The following FBXL17 variants were observed in gnomAD, a reference collection of about 807,000 sequenced individuals.
The protein encoded by FBXL17 is F-box and leucine rich repeat protein 17.
A neutral mutation model predicts 66.2 loss-of-function variants in FBXL17; 22 were observed. The observed-to-expected ratio is 0.33, with a 90% confidence interval of 0.24 to 0.47. FBXL17 has a LOEUF of 0.47. Ranked by LOEUF, FBXL17 falls within the 20% of genes least tolerant of loss-of-function variation. The probability of loss-of-function intolerance (pLI) is 1.00; values close to 1 mark genes in which losing one functional copy is unlikely to be tolerated. For missense variants in FBXL17, 878 were observed against 948.2 expected (o/e 0.93, Z 0.97); for synonymous variants, 474 against 400.5 (o/e 1.18, Z -2.19).
At chr5:108,075,317 T>C (rs1689264851) in intron 6 of FBXL17, among the ~76,000 whole-genome samples, 4 of 152,336 alleles carry the variant, frequency 2.6e-5, no homozygotes, top group Admixed American at 2.6e-4. Context: ...TTCCTCTAAC[T>C]AACACAAAAT....
chr5:107,861,895 G>A (rs201164208), intron 8 of FBXL17, 35 bp from the exon 9 acceptor site: 7 of 1,459,830 alleles, frequency 4.8e-6, no homozygotes, highest in Non-Finnish European at 6.4e-6. Context: ...CACGCACAGA[G>A]ACCACCAACA....
At chr5:108,020,666 T>G in intron 7 of FBXL17, 1 of 270,344 alleles carries the variant, frequency 3.7e-6, no homozygotes, top group Non-Finnish European at 7.0e-6. Context: ...CTTTTTAATT[T>G]TGTGTGAGTG....
chr5:107,947,192 C>A (rs12657877), intron 7 of FBXL17, among the ~76,000 whole-genome samples: 1 of 152,014 alleles, frequency 6.6e-6, no homozygotes, highest in African/African-American at 2.4e-5. Flanking sequence ...TGGCCTTTAC[C>A]GCGGCATTGC....
intron 4 of FBXL17, among the ~76,000 whole-genome samples, chr5:108,282,832 A>G (rs965854137): frequency 2.0e-5 from 3 of 151,738 alleles, no homozygotes; most frequent in African/African-American, 7.2e-5. Context: ...ATCAACATAC[A>G]AAAACCAGTA....
At chr5:108,244,459 C>T (rs754333684) in intron 4 of FBXL17, among the ~76,000 whole-genome samples, 3 of 152,082 alleles carry the variant, frequency 2.0e-5, no homozygotes, top group Non-Finnish European at 4.4e-5. Flanking sequence ...AGATACCAAC[C>T]TAAGGGGGTT....
intron 3 of FBXL17, among the ~76,000 whole-genome samples, chr5:108,355,497 G>A (rs2112517855): frequency 6.6e-6 from 1 of 152,018 alleles, no homozygotes; most frequent in Non-Finnish European, 1.5e-5. Flanking sequence ...TGGCCAGGCT[G>A]GTCTCGAACT....
chr5:107,987,393 G>A (rs1262055774), intron 7 of FBXL17, among the ~76,000 whole-genome samples: 2 of 151,730 alleles, frequency 1.3e-5, no homozygotes, highest in Non-Finnish European at 2.9e-5. Context: ...TGGTGCTAAA[G>A]CCGATCTTGA....
intron 7 of FBXL17, among the ~76,000 whole-genome samples, chr5:107,973,058 T>A (rs1752432336): frequency 6.6e-6 from 1 of 152,140 alleles, no homozygotes; most frequent in African/African-American, 2.4e-5. Flanking sequence ...TGGACAATGT[T>A]CAAAGGTGCC....
chr5:108,043,497 T>C (rs529944832), intron 6 of FBXL17, among the ~76,000 whole-genome samples: 1 of 152,302 alleles, frequency 6.6e-6, no homozygotes, highest in Non-Finnish European at 1.5e-5. Context: ...CTTTTCTTCA[T>C]TGAATTGCAT....
chr5:108,090,170 A>G (rs2149928986), intron 6 of FBXL17, among the ~76,000 whole-genome samples: 1 of 152,322 alleles, frequency 6.6e-6, no homozygotes, highest in Non-Finnish European at 1.5e-5. Context: ...ACATAAAGAA[A>G]TAATTAGTAA....
chr5:108,231,328 A>G lies in FBXL17; in HGVS notation c.1507-7100T>C, dbSNP rs75146401. Among the ~76,000 whole-genome samples the G allele has an allele frequency of 5.2e-3, 789 of 152,294 alleles. 9 individuals are homozygous for G. The highest frequency in any genetic ancestry group is 0.018 in the African/African-American group (747 of 41,556). On this transcript the variant is annotated intron_variant, in intron 4 of 8. Transcript: ENST00000542267. The stretch of plus-strand genomic sequence containing the variant: ...TATATTCTATGCTCATATACAGTTA[A>G]TCACAGCTCTCACCCACAGGCAACT...
At chr5:108,343,994 A>G (rs1432996061) in intron 4 of FBXL17, among the ~76,000 whole-genome samples, 1 of 152,210 alleles carries the variant, frequency 6.6e-6, no homozygotes, top group African/African-American at 2.4e-5. Flanking sequence ...CTGATCCTCA[A>G]TAGAACATGT....
intron 7 of FBXL17, among the ~76,000 whole-genome samples, chr5:108,015,918 A>G (rs993900313): frequency 6.7e-6 from 1 of 149,132 alleles, no homozygotes; most frequent in Non-Finnish European, 1.5e-5. Flanking sequence ...GGAAAACAAG[A>G]TGCATTTTTT....
In FBXL17 at chr5:108,348,738, A is replaced by G. The variant is rs7710381; in HGVS notation, c.1375-208T>C. 2.4e-3 allele frequency among the ~76,000 whole-genome samples: 362 copies of G among 152,304 alleles called. 1 individual carries two copies. Among genetic ancestry groups the G allele is most frequent in the African/African-American group, 8.5e-3 (352 of 41,552 alleles). ...CTTCTAATTTACCCCCGTTTCAACC[A>G]ACTCACATTACAAGCCCTCCAAGGT... On this transcript the variant is annotated intron_variant, in intron 3 of 8. Coordinates refer to ENST00000542267, the MANE Select transcript of FBXL17 (RefSeq NM_001163315.3).
At chr5:108,201,061 A>C (rs141244613) in intron 5 of FBXL17, among the ~76,000 whole-genome samples, 46 of 152,334 alleles carry the variant, frequency 3.0e-4, no homozygotes, top group African/African-American at 1.1e-3. Flanking sequence ...TGTCTCATAA[A>C]TAACTAACTT....
intron 4 of FBXL17, among the ~76,000 whole-genome samples, chr5:108,249,577 A>G (rs1227418322): frequency 6.6e-6 from 1 of 152,158 alleles, no homozygotes; most frequent in Non-Finnish European, 1.5e-5. Context: ...GCAACCTTTG[A>G]AAGGCCATAC....
At chr5:108,239,639 C>G (rs1755765676) in intron 4 of FBXL17, among the ~76,000 whole-genome samples, 1 of 152,152 alleles carries the variant, frequency 6.6e-6, no homozygotes, top group Non-Finnish European at 1.5e-5. Flanking sequence ...GCCACAAAGA[C>G]TGCAATTCCT....
At chr5:108,200,064 T>C (rs1753827734) in intron 5 of FBXL17, among the ~76,000 whole-genome samples, 1 of 152,056 alleles carries the variant, frequency 6.6e-6, no homozygotes, top group Admixed American at 6.6e-5. Flanking sequence ...AGAGTCAGTG[T>C]TACTGGGACC....
At chr5:108,273,009 T>C (rs895753160) in intron 4 of FBXL17, among the ~76,000 whole-genome samples, 2 of 152,068 alleles carry the variant, frequency 1.3e-5, no homozygotes, top group Non-Finnish European at 2.9e-5. Flanking sequence ...AAGCTGGGCA[T>C]CCGGGGGAGA....
Sources: gnomAD v4.1 joint callset for allele counts (sites outside exome capture counted in the v4.1 genomes callset) on GRCh38, gnomAD v4.1.1 for gene constraint, MANE v1.5 for transcripts, NCBI Gene and HGNC (gene_info 2026-07-23, HGNC 2026-07-21) for gene names.